CUL1: variants seen among roughly 807,000 people sequenced by gnomAD.
The protein encoded by CUL1 is cullin-1.
Under a neutral mutation model 118.0 loss-of-function variants are expected in CUL1, and 24 were observed. That is an observed-to-expected ratio of 0.20 (90% CI 0.15 to 0.29). The LOEUF is 0.29. Ranked by LOEUF, CUL1 falls within the 10% of genes least tolerant of loss-of-function variation. CUL1 has a pLI of 1.00. For synonymous variants in CUL1, 332 were observed against 340.4 expected, an observed-to-expected ratio of 0.98 and a Z score of 0.27; for missense variants, 361 against 933.8, an observed-to-expected ratio of 0.39 and a Z score of 7.99.
chr7:148,736,157 C>T (rs1798934783), intron 2 of CUL1, among the ~76,000 whole-genome samples: 1 of 152,226 alleles, frequency 6.6e-6, no homozygotes, highest in African/African-American at 2.4e-5. Flanking sequence ...CTGGGCAACA[C>T]AGTGAGACCC....
chr7:148,752,303 T>G (rs964688298), intron 2 of CUL1, among the ~76,000 whole-genome samples: 3 of 152,088 alleles, frequency 2.0e-5, no homozygotes, highest in Non-Finnish European at 4.4e-5. Context: ...TTCTCAAAAG[T>G]TGAGGGAGGC....
chr7:148,775,424 T>G (rs1800363400), intron 9 of CUL1, among the ~76,000 whole-genome samples: 1 of 152,226 alleles, frequency 6.6e-6, no homozygotes, highest in Non-Finnish European at 1.5e-5. Context: ...GCCATAGCTA[T>G]TCCTTAAAGC....
At chr7:148,761,265 T>C (rs1032493283) in intron 7 of CUL1, among the ~76,000 whole-genome samples, 1 of 152,096 alleles carries the variant, frequency 6.6e-6, no homozygotes, top group Non-Finnish European at 1.5e-5. Context: ...CCCAGCACTT[T>C]GGGAGGCCAA....
chr7:148,790,064 C>T (rs2129463142), intron 15 of CUL1, among the ~76,000 whole-genome samples: 1 of 152,354 alleles, frequency 6.6e-6, no homozygotes, highest in African/African-American at 2.4e-5. Flanking sequence ...TAAAGCAGAA[C>T]CTAATTAGTT....
At chr7:148,716,820 T>A (rs1037254182) in intron 1 of CUL1, among the ~76,000 whole-genome samples, 1 of 152,208 alleles carries the variant, frequency 6.6e-6, no homozygotes, top group Non-Finnish European at 1.5e-5. Context: ...TCCTGTCCCC[T>A]ACTGATAGAT....
chr7:148,774,687 A>G (rs1800340207), intron 9 of CUL1, among the ~76,000 whole-genome samples: 1 of 152,224 alleles, frequency 6.6e-6, no homozygotes, highest in Non-Finnish European at 1.5e-5. Context: ...ATCTTGATTT[A>G]GTGTCCTCAG....
At chr7:148,726,624 A>G (rs1488989182) in intron 1 of CUL1, among the ~76,000 whole-genome samples, 1 of 152,166 alleles carries the variant, frequency 6.6e-6, no homozygotes, top group Non-Finnish European at 1.5e-5. Flanking sequence ...AGAGTGTACT[A>G]GTTTGTGGTC....
intron 2 of CUL1, among the ~76,000 whole-genome samples, chr7:148,741,017 T>C (rs1027769501): frequency 1.3e-5 from 2 of 152,252 alleles, no homozygotes; most frequent in Non-Finnish European, 2.9e-5. Flanking sequence ...ATGTGGTCTT[T>C]TGTGACTGGC....
intron 1 of CUL1, among the ~76,000 whole-genome samples, chr7:148,706,780 G>C (rs1455893494): frequency 6.6e-6 from 1 of 152,058 alleles, no homozygotes; most frequent in Non-Finnish European, 1.5e-5. Flanking sequence ...TGAAGATTTT[G>C]TTTGTTTTGG....
intron 1 of CUL1, among the ~76,000 whole-genome samples, chr7:148,718,066 A>C (rs535656313): frequency 6.6e-6 from 1 of 152,326 alleles, no homozygotes; most frequent in Admixed American, 6.5e-5. Context: ...ATACTCAGTA[A>C]TACTGCTTTT....
chr7:148,768,378 CTTTTTTTT>C (rs10595637), intron 9 of CUL1, among the ~76,000 whole-genome samples: 39 of 94,882 alleles, frequency 4.1e-4, no homozygotes, highest in African/African-American at 1.3e-3. Flanking sequence ...AAGAAAAGCT[CTTTTTTTT>C]TTTTTTTTTT....
At chr7:148,722,619 C>T (rs1798432693) in intron 1 of CUL1, among the ~76,000 whole-genome samples, 1 of 152,222 alleles carries the variant, frequency 6.6e-6, no homozygotes, top group African/African-American at 2.4e-5. Context: ...ATTTCTATCC[C>T]TACAGTGGTC....
At chr7:148,782,004 TAAG>T (rs369628046) in intron 9 of CUL1, among the ~76,000 whole-genome samples, 1 of 152,328 alleles carries the variant, frequency 6.6e-6, no homozygotes, top group African/African-American at 2.4e-5. Flanking sequence ...GTTAACTTGT[TAAG>T]GATCCTGCAT....
intron 16 of CUL1, among the ~76,000 whole-genome samples, chr7:148,792,424 C>G (rs1801045555): frequency 6.6e-6 from 1 of 152,204 alleles, no homozygotes; most frequent in Admixed American, 6.5e-5. Flanking sequence ...GTGATTGTCT[C>G]TATAAATGCG....
intron 1 of CUL1, among the ~76,000 whole-genome samples, chr7:148,713,979 C>CA (rs1359269656): frequency 6.6e-6 from 1 of 152,194 alleles, no homozygotes; most frequent in East Asian, 1.9e-4. Context: ...CTCGGCCTCC[C>CA]AAAGTTCTGG....
chr7:148,708,884 A>G (rs1797967001), intron 1 of CUL1, among the ~76,000 whole-genome samples: 1 of 152,238 alleles, frequency 6.6e-6, no homozygotes, highest in Non-Finnish European at 1.5e-5. Context: ...TTGCCATAAT[A>G]AATTATAAAT....
chr7:148,783,300 C>T (rs1019324936), intron 9 of CUL1: 12 of 983,548 alleles, frequency 1.2e-5, no homozygotes, highest in East Asian at 2.3e-4. Context: ...CACGCGGATC[C>T]GCGCCTCTGG....
At chr7:148,705,029 C>A (rs1486363189) in intron 1 of CUL1, among the ~76,000 whole-genome samples, 1 of 152,180 alleles carries the variant, frequency 6.6e-6, no homozygotes, top group Non-Finnish European at 1.5e-5. Context: ...TATCTGACTT[C>A]CGTTGGGCTG....
At chr7:148,781,275 G>C (rs1800622790) in intron 9 of CUL1, among the ~76,000 whole-genome samples, 1 of 151,858 alleles carries the variant, frequency 6.6e-6, no homozygotes, top group African/African-American at 2.4e-5. Context: ...TAGAGATGGG[G>C]TTTCACCATG....
Sources: allele counts gnomAD v4.1 joint callset (sites outside exome capture counted in the v4.1 genomes callset), GRCh38; gene constraint gnomAD v4.1.1; transcripts MANE v1.5; gene names NCBI Gene and HGNC (gene_info 2026-07-23, HGNC 2026-07-21).